The following FABP7 variants were observed in gnomAD, a reference collection of about 807,000 sequenced individuals.
FABP7 encodes fatty acid binding protein 7, also known as fatty acid-binding protein, brain.
A neutral mutation model predicts 14.2 loss-of-function variants in FABP7; 13 were observed. That is an observed-to-expected ratio of 0.91 (90% CI 0.59 to 1.45). The LOEUF is 1.45. Among genes scored for constraint, FABP7 ranks in the 40% most tolerant of loss-of-function variants. FABP7 has a pLI of 0.00. For synonymous variants in FABP7, 49 were observed against 51.4 expected (o/e 0.95, Z 0.20); for missense variants, 149 against 157.6 (o/e 0.95, Z 0.29).
At chr6:122,775,878 T>A (rs112462539), upstream of FABP7, among the ~76,000 whole-genome samples, 594 of 151,972 alleles carry the variant, frequency 3.9e-3, 4 homozygotes, top group African/African-American at 0.014. Flanking sequence ...TGATTGAAAA[T>A]TAGCAAAGAT....
the FABP7 span, among the ~76,000 whole-genome samples, chr6:122,769,846 T>C: frequency 6.6e-6 from 1 of 152,160 alleles, no homozygotes; most frequent in Non-Finnish European, 1.5e-5. Flanking sequence ...AAAAAGTTGC[T>C]TTGCGGTGAA....
chr6:122,770,083 T>C, the FABP7 span, among the ~76,000 whole-genome samples: 6 of 152,108 alleles, frequency 3.9e-5, no homozygotes, highest in Non-Finnish European at 8.8e-5. Flanking sequence ...TAAATTTCAG[T>C]TAGAAAATAT....
At chr6:122,753,672 A>G in the FABP7 span, among the ~76,000 whole-genome samples, 1 of 152,114 alleles carries the variant, frequency 6.6e-6, no homozygotes, top group Non-Finnish European at 1.5e-5. Flanking sequence ...TGAAGCAACA[A>G]AAGAACGAAA....
the FABP7 span, among the ~76,000 whole-genome samples, chr6:122,764,410 G>A: frequency 1.3e-5 from 2 of 151,916 alleles, no homozygotes; most frequent in South Asian, 4.2e-4. Flanking sequence ...AGTGGGGAGG[G>A]ATGGCATTAG....
the FABP7 span, among the ~76,000 whole-genome samples, chr6:122,774,144 G>A: frequency 3.3e-5 from 5 of 152,008 alleles, no homozygotes; most frequent in Admixed American, 6.6e-5. Flanking sequence ...GGTGGATCAC[G>A]TGAGGTCAGG....
the FABP7 span, among the ~76,000 whole-genome samples, chr6:122,757,989 C>T: frequency 1.3e-5 from 2 of 151,822 alleles, no homozygotes; most frequent in Non-Finnish European, 2.9e-5. Context: ...ATCCTGAGGA[C>T]AGAGTGAACA....
chr6:122,774,365 A>C, the FABP7 span, among the ~76,000 whole-genome samples: 1 of 72,304 alleles, frequency 1.4e-5, no homozygotes, highest in Admixed American at 1.2e-4. Flanking sequence ...CTGTCAAAAA[A>C]AAAAAAAAAA....
chr6:122,764,641 T>A, the FABP7 span, among the ~76,000 whole-genome samples: 1 of 152,150 alleles, frequency 6.6e-6, no homozygotes, highest in African/African-American at 2.4e-5. Flanking sequence ...CTGCATATCT[T>A]CCCTTGATGT....
At chr6:122,750,126 T>A in the FABP7 span, among the ~76,000 whole-genome samples, 22 of 152,188 alleles carry the variant, frequency 1.4e-4, no homozygotes, top group African/African-American at 4.8e-4. Context: ...TATTCAATTT[T>A]AAATTTTTAT....
At chr6:122,782,218 T>C (rs1780807385) in intron 3 of FABP7, 1 of 977,926 alleles carries the variant, frequency 1.0e-6, no homozygotes, top group Admixed American at 6.2e-5. Context: ...TTTATTAGTG[T>C]CCTAAGGCTG....
the FABP7 span, among the ~76,000 whole-genome samples, chr6:122,757,382 G>A: frequency 6.4e-4 from 97 of 152,010 alleles, no homozygotes; most frequent in African/African-American, 2.2e-3. Flanking sequence ...AGGAATCACC[G>A]AGAAGATGAC....
chr6:122,776,208 A>C (rs1780670512), upstream of FABP7, among the ~76,000 whole-genome samples: 1 of 152,202 alleles, frequency 6.6e-6, no homozygotes, highest in Non-Finnish European at 1.5e-5. Flanking sequence ...AGTATATCAA[A>C]GAGTTATCTG....
At chr6:122,752,032 C>G in the FABP7 span, among the ~76,000 whole-genome samples, 1 of 152,120 alleles carries the variant, frequency 6.6e-6, no homozygotes, top group Non-Finnish European at 1.5e-5. Context: ...GCTTTGACTT[C>G]TGTAACTGAA....
chr6:122,779,471 G>T, upstream of FABP7: 1 of 272,962 alleles, frequency 3.7e-6, no homozygotes, highest in Non-Finnish European at 7.0e-6. Context: ...AATCCCTGCC[G>T]AGCTTTCTCA....
At chr6:122,759,145 T>C in the FABP7 span, among the ~76,000 whole-genome samples, 5 of 152,360 alleles carry the variant, frequency 3.3e-5, no homozygotes, top group African/African-American at 1.2e-4. Flanking sequence ...AACATACTTA[T>C]GAAGCCTTTC....
chr6:122,780,035 G>A (rs956848533), intron 1 of FABP7, among the ~76,000 whole-genome samples, 168 bp downstream of exon 1: 4 of 152,310 alleles, frequency 2.6e-5, no homozygotes, highest in Non-Finnish European at 5.9e-5. Context: ...TGTGGCACTT[G>A]CTTGCCTTCT....
chr6:122,779,453 C>A (rs1384528847), upstream of FABP7: 4 of 249,104 alleles, frequency 1.6e-5, no homozygotes, highest in Non-Finnish European at 3.1e-5. Flanking sequence ...CTGCCTCCAG[C>A]CCCATTGAAT....
At chr6:122,773,232 G>A in the FABP7 span, among the ~76,000 whole-genome samples, 6 of 152,188 alleles carry the variant, frequency 3.9e-5, no homozygotes, top group East Asian at 1.9e-4. Flanking sequence ...ACATTAAGGC[G>A]CCAAAATGTC....
chr6:122,752,193 A>G, the FABP7 span, among the ~76,000 whole-genome samples: 1 of 152,228 alleles, frequency 6.6e-6, no homozygotes, highest in African/African-American at 2.4e-5. Context: ...AATGATTTAT[A>G]TTTCAAAATG....
Sources: allele counts gnomAD v4.1 joint callset (sites outside exome capture counted in the v4.1 genomes callset), GRCh38; gene constraint gnomAD v4.1.1; transcripts MANE v1.5; gene names NCBI Gene and HGNC (gene_info 2026-07-23, HGNC 2026-07-21).